The following UNC80 variants were observed in gnomAD, a reference collection of about 807,000 sequenced individuals.
The protein encoded by UNC80 is protein unc-80 homolog.
In UNC80, 164 loss-of-function variants were observed where a neutral mutation model predicts 384.6. The ratio of observed to expected loss-of-function variants is 0.43; its 90% CI spans 0.38 to 0.49. The LOEUF (loss-of-function observed/expected upper bound fraction) is 0.49. Among genes scored for constraint, UNC80 ranks in the 20% least tolerant of loss-of-function variants. The pLI is 0.00. For synonymous variants in UNC80, 1,486 were observed against 1,527.8 expected (o/e 0.97, Z 0.64); for missense variants, 3,330 against 4,143.0 (o/e 0.80, Z 5.39).
chr2:209,874,518 G>A (rs2084600472), intron 23 of UNC80, among the ~76,000 whole-genome samples: 1 of 152,214 alleles, frequency 6.6e-6, no homozygotes, highest in Admixed American at 6.5e-5. Context: ...TGCAGCATTT[G>A]ACACTGCCAA....
At chr2:209,960,511 CACTTGGAAATT>C (rs2092556813) in intron 51 of UNC80, among the ~76,000 whole-genome samples, 2 of 152,164 alleles carry the variant, frequency 1.3e-5, no homozygotes. Context: ...ACAAAAGATT[CACTTGGAAATT>C]TTAACGTATC....
Position 209,904,931 on chromosome 2 carries a change from G to A in UNC80, c.4748G>A (p.Ser1583Asn). The A allele has an allele frequency of 6.4e-7, 1 of 1,551,722 alleles. No homozygotes were observed. The highest frequency in any genetic ancestry group is 1.2e-5 in the South Asian group (1 of 84,068). The part of the protein sequence containing the change: ...VDSLRESSNI[S>N]SVALRGKKQK... ...TCCCTGAGGGAAAGCAGCAACATCA[G>A]CAGTGTGGCTCTCCGGGGCAAGAAA... Residue 1583 changes from serine (S) to asparagine (N), a missense_variant, in exon 29 of 65, where the codon AGC becomes AAC. Ser to Asn is a conservative substitution (Grantham distance 46, BLOSUM62 1). This residue lies in a region of UNC80 where 801 missense variants were observed against 950.8 expected (regional missense o/e 0.84). Coordinates refer to ENST00000673920, the MANE Select transcript of UNC80 (RefSeq NM_001371986.1).
At chr2:209,837,331 G>A (rs1335584865) in intron 18 of UNC80, among the ~76,000 whole-genome samples, 1 of 152,136 alleles carries the variant, frequency 6.6e-6, no homozygotes, top group Non-Finnish European at 1.5e-5. Context: ...AATTACTGCA[G>A]TAATATATGT....
At chr2:209,970,301 G>C (rs750134036) in intron 53 of UNC80, 5 of 181,924 alleles carry the variant, frequency 2.7e-5, no homozygotes, top group Non-Finnish European at 4.6e-5. Context: ...GGCCAGTCTA[G>C]GATTTATGTG....
Position 209,839,417 on chromosome 2 carries a change from T to A in UNC80, c.3237T>A (p.Leu1079=), listed in dbSNP as rs777971239. The A allele has an allele frequency of 1.1e-5, 17 of 1,551,984 alleles. No individual in the cohort carries two copies. In the South Asian group the frequency reaches 2.0e-4, roughly 18 times the overall value. The change falls in exon 19 of 65, where the codon CTT becomes CTA. Residue 1079 remains leucine (L), a synonymous_variant. Transcript: ENST00000673920. The surrounding 1 kb of genome is among the most constrained non-coding windows in gnomAD (Gnocchi z 4.1). ...GCAGAATTTCCCTCCGAAAGAAGCT[T>A]AAACTCCCCATAGGTAAAAGTATGT... ...RSRRISLRKK[L]KLPIGNWLKR... is the part of the protein sequence containing the mutation.
In UNC80 at chr2:209,773,106, G is replaced by T. The variant is rs574570420; in HGVS notation, c.105G>T (p.Arg35Ser). The T allele has an allele frequency of 1.2e-6, 2 of 1,613,022 alleles. No individual in the cohort carries two copies. Among genetic ancestry groups the T allele is most frequent in the Non-Finnish European group, 1.7e-6 (2 of 1,179,330 alleles). ...FLWRQTSAFL[R>S]PKLGKQYEAS... is the part of the protein sequence containing the mutation. ...ATTAATTTTTCAGTGCATTTTTGAG[G>T]CCCAAACTGGGGAAGCAATATGAAG... The change falls in exon 2 of 65, where the codon AGG becomes AGT. Residue 35 changes from arginine (R) to serine (S), a missense_variant. Arg to Ser is a moderately radical substitution (Grantham distance 110). Transcript: ENST00000673920.
At chr2:209,854,750 C>T (rs2124848708) in intron 22 of UNC80, among the ~76,000 whole-genome samples, 1 of 152,122 alleles carries the variant, frequency 6.6e-6, no homozygotes, top group Middle Eastern at 3.4e-3. Flanking sequence ...AATGAGATAC[C>T]ATCTCACACC....
chr2:209,933,690 T>TAC (rs1559353724), intron 38 of UNC80, 132 bp from the exon 39 acceptor site: 1 of 689,580 alleles, frequency 1.5e-6, no homozygotes, highest in Non-Finnish European at 2.3e-6. Context: ...TTGAAAGTGT[T>TAC]AGAGAAGCAT....
At chr2:209,848,879 C>A (rs1339590177) in intron 21 of UNC80, among the ~76,000 whole-genome samples, 5 of 152,018 alleles carry the variant, frequency 3.3e-5, no homozygotes, top group Admixed American at 2.6e-4. Flanking sequence ...TGTAAACACC[C>A]CCTTTTATCT....
intron 28 of UNC80, among the ~76,000 whole-genome samples, chr2:209,904,133 G>T (rs2087884468): frequency 6.6e-6 from 1 of 152,128 alleles, no homozygotes; most frequent in South Asian, 2.1e-4. Flanking sequence ...ATTTTAATGG[G>T]AGAATTATAG....
At chr2:209,883,018 T>C (rs1011411289) in intron 25 of UNC80, among the ~76,000 whole-genome samples, 3 of 152,220 alleles carry the variant, frequency 2.0e-5, no homozygotes, top group Non-Finnish European at 2.9e-5. Flanking sequence ...CTGAAATCTT[T>C]TATTCATTAC....
At chr2:209,975,391 C>T (rs1375175337) in intron 56 of UNC80, among the ~76,000 whole-genome samples, 1 of 152,034 alleles carries the variant, frequency 6.6e-6, no homozygotes, top group Non-Finnish European at 1.5e-5. Context: ...AATCTGCTTC[C>T]TGAAAAATAA....
Position 209,936,942 on chromosome 2 carries a change from C to G in UNC80, c.6363+9C>G. ...TTATCCACTACAATAAGGTGAGACA[C>G]CAGTAGTGACATCCCCGTTGAGTTG... On this transcript the variant is annotated intron_variant, in intron 41 of 64. Transcript: ENST00000673920. 2 of 1,517,484 alleles carry G rather than the reference C, an allele frequency of 1.3e-6. No homozygotes were observed. The highest frequency in any genetic ancestry group is 1.8e-6 in the Non-Finnish European group (2 of 1,116,142). 94.0% of individuals were successfully genotyped at this position (1,517,484 alleles called of 1,614,324 possible). A position where few individuals can be genotyped will look rare whatever the true frequency, so the allele number is the denominator to read the frequency against.
At chr2:209,924,731 T>C (rs2090296285) in intron 35 of UNC80, among the ~76,000 whole-genome samples, 1 of 151,864 alleles carries the variant, frequency 6.6e-6, no homozygotes. Context: ...TCCCAACTCA[T>C]ATGAGCACCT....
intron 22 of UNC80, among the ~76,000 whole-genome samples, chr2:209,858,716 A>G (rs2083126706): frequency 6.6e-6 from 1 of 151,962 alleles, no homozygotes; most frequent in Non-Finnish European, 1.5e-5. Flanking sequence ...AAGAAAGAAA[A>G]AAAGAAAAAA....
rs1191578405 is a variant in UNC80 at position 209,817,687 on chromosome 2, G to T, written c.1553-125G>T. 2.1e-5 allele frequency: 25 copies of T among 1,195,760 alleles called. No homozygotes were observed. The Admixed American group carries it at 3.0e-4, about 14-fold the overall frequency. 74.1% of individuals were successfully genotyped at this position (1,195,760 alleles called of 1,614,324 possible). On this transcript the variant is annotated intron_variant, in intron 10 of 64. Coordinates refer to ENST00000673920, the MANE Select transcript of UNC80 (RefSeq NM_001371986.1). ...GGCAAGTTCAGTTCTTGCTTTTTTT[G>T]TCTGTGTTTCACACTTTTCCTAACA... is the stretch of plus-strand genomic sequence containing the variant.
chr2:209,939,439 C>T (rs1428144358), intron 42 of UNC80, 33 bp from the exon 43 acceptor site: 3 of 1,522,796 alleles, frequency 2.0e-6, no homozygotes, highest in African/African-American at 1.4e-5. Context: ...TCTAATACTC[C>T]TTTTTGTCTG....
At chr2:209,869,538 A>G (rs1423110953) in intron 22 of UNC80, among the ~76,000 whole-genome samples, 1 of 152,088 alleles carries the variant, frequency 6.6e-6, no homozygotes, top group African/African-American at 2.4e-5. Context: ...ATATATACTA[A>G]AATACCCCAG....
chr2:209,871,448 A>G (rs1320781311), intron 22 of UNC80, among the ~76,000 whole-genome samples: 1 of 152,208 alleles, frequency 6.6e-6, no homozygotes, highest in Non-Finnish European at 1.5e-5. Flanking sequence ...GTTAACTGAC[A>G]TGTAATTGAC....
Sources: allele counts gnomAD v4.1 joint callset (sites outside exome capture counted in the v4.1 genomes callset), GRCh38; gene constraint gnomAD v4.1.1; regional missense constraint gnomAD v4.1.1; non-coding constraint Gnocchi (gnomAD v3.1); transcripts MANE v1.5; gene names NCBI Gene and HGNC (gene_info 2026-07-23, HGNC 2026-07-21).